PIK3R5: variants seen among roughly 807,000 people sequenced by gnomAD.
PIK3R5 encodes the protein phosphoinositide 3-kinase regulatory subunit 5.
A neutral mutation model predicts 94.9 loss-of-function variants in PIK3R5; 32 were observed. The ratio of observed to expected loss-of-function variants is 0.34; its 90% CI spans 0.25 to 0.45. The LOEUF is 0.45. PIK3R5 is among the 20% of genes least tolerant of loss of function. The pLI is 1.00. For missense variants in PIK3R5, 853 were observed against 1,144.6 expected (o/e 0.75, Z 3.68); for synonymous variants, 443 against 479.4 (o/e 0.92, Z 0.99).
rs2091452331 is a variant in PIK3R5, at chr17:8,955,386, C to T, written c.-14+10210G>A. Among the ~76,000 whole-genome samples the T allele has an allele frequency of 6.6e-6, 1 of 152,230 alleles. No individual in the cohort carries two copies. Among genetic ancestry groups the T allele is most frequent in the African/African-American group, 2.4e-5 (1 of 41,464 alleles). On this transcript the variant is annotated intron_variant, in intron 1 of 18. Coordinates refer to ENST00000447110, the MANE Select transcript of PIK3R5 (RefSeq NM_001142633.3). The surrounding 1 kb of genome is among the most constrained non-coding windows in gnomAD (Gnocchi z 4.4). ...GAAGGGGATGAGTGAGGCAAGAACA[C>T]ACGTTAGGTCTTGGGAAAACTGAGT...
At chr17:8,886,410 G>A in intron 13 of PIK3R5, 67 bp downstream of exon 13, 1 of 1,601,490 alleles carries the variant, frequency 6.2e-7, no homozygotes, top group Non-Finnish European at 8.5e-7. Flanking sequence ...GGCTCTCCCG[G>A]GGCAGGGGTG....
chr17:8,940,535 A>G (rs9889235), intron 1 of PIK3R5, among the ~76,000 whole-genome samples: 38,970 of 152,030 alleles, frequency 0.26, 8,508 homozygotes, highest in African/African-American at 0.6. Flanking sequence ...CCTGCCTGCT[A>G]AGGTTTTTTT....
intron 5 of PIK3R5, among the ~76,000 whole-genome samples, chr17:8,902,249 ATTTTTTTTTTTTT>A (rs397960477): frequency 3.9e-5 from 3 of 77,194 alleles, no homozygotes; most frequent in Non-Finnish European, 6.9e-5. Flanking sequence ...TGATATATTA[ATTTTTTTTTTTTT>A]TTTTTTTTTT....
In PIK3R5 at chr17:8,896,563, G is replaced by T. The variant is rs1447207112; in HGVS notation, c.413-2908C>A. ...GGTGAGTGGGCAGAACACACTCATA[G>T]TGAAGTTCAAACTCCTGGCCCAGGT... On this transcript the variant is annotated intron_variant, in intron 5 of 18. Coordinates refer to ENST00000447110, the MANE Select transcript of PIK3R5 (RefSeq NM_001142633.3). The surrounding 1 kb of genome is among the most constrained non-coding windows in gnomAD (Gnocchi z 4.0). Among the ~76,000 whole-genome samples, 1 of 152,186 alleles carries T rather than the reference G, an allele frequency of 6.6e-6. No individual in the cohort carries two copies. Among genetic ancestry groups the T allele is most frequent in the African/African-American group, 2.4e-5 (1 of 41,434 alleles).
At position 8,893,353 on chromosome 17, in the gene PIK3R5, C is replaced by A. The variant is rs2090072572; in HGVS notation, c.482+233G>T. On this transcript the variant is annotated intron_variant, in intron 6 of 18. Coordinates refer to ENST00000447110, the MANE Select transcript of PIK3R5 (RefSeq NM_001142633.3). The surrounding 1 kb of genome is among the most constrained non-coding windows in gnomAD (Gnocchi z 5.1). Reference sequence around the variant, plus strand: ...TAACACCTGGCATAATTGATACAGACCTCTTTAAGAATCTGGTGAAAGACC... The same window carrying A: ...TAACACCTGGCATAATTGATACAGAACTCTTTAAGAATCTGGTGAAAGACC... 6.6e-6 allele frequency among the ~76,000 whole-genome samples: 1 copy of A among 152,126 alleles called. No homozygotes were observed. Among genetic ancestry groups the A allele is most frequent in the Non-Finnish European group, 1.5e-5 (1 of 68,026 alleles).
intron 1 of PIK3R5, among the ~76,000 whole-genome samples, chr17:8,923,275 A>G (rs1051405933): frequency 2.0e-5 from 3 of 152,338 alleles, no homozygotes; most frequent in Admixed American, 6.5e-5. Flanking sequence ...CTACCCAGGT[A>G]CAGTACCGAA....
intron 1 of PIK3R5, among the ~76,000 whole-genome samples, chr17:8,930,555 G>A (rs1021907982): frequency 3.9e-5 from 6 of 152,146 alleles, no homozygotes; most frequent in East Asian, 1.9e-4. Context: ...ATGTTCATAC[G>A]AAAACCTGTA....
intron 5 of PIK3R5, among the ~76,000 whole-genome samples, chr17:8,898,781 C>A (rs1433074497): frequency 2.6e-5 from 4 of 152,192 alleles, no homozygotes; most frequent in Non-Finnish European, 1.5e-5. Flanking sequence ...TGTCCAAGGT[C>A]ATTAACTAAT....
rs561010148 is a variant in PIK3R5 at position 8,924,358 on chromosome 17, C to T, written c.-13-12851G>A. Among the ~76,000 whole-genome samples the T allele has an allele frequency of 2.7e-4, 41 of 151,784 alleles. No homozygotes were observed. In the South Asian group the frequency reaches 4.2e-3, roughly 15 times the overall value. ...CCTCCCAAAGTGCTGGGATTACAGG[C>T]GTGAGCCACCTGCAGCCTGACACAG... On this transcript the variant is annotated intron_variant, in intron 1 of 18. Transcript: ENST00000447110.
chr17:8,930,363 T>C (rs2090966082), intron 1 of PIK3R5, among the ~76,000 whole-genome samples: 1 of 152,104 alleles, frequency 6.6e-6, no homozygotes, highest in Non-Finnish European at 1.5e-5. Flanking sequence ...AGAGGAAGTC[T>C]CAAGAGAAAT....
chr17:8,960,034 G>A (rs919773703), intron 1 of PIK3R5, among the ~76,000 whole-genome samples: 7 of 152,170 alleles, frequency 4.6e-5, no homozygotes, highest in African/African-American at 7.2e-5. Flanking sequence ...TGACCTCAGC[G>A]TCCATAAGCT....
At chr17:8,957,434 G>T (rs79285688) in intron 1 of PIK3R5, among the ~76,000 whole-genome samples, 1 of 152,128 alleles carries the variant, frequency 6.6e-6, no homozygotes, top group African/African-American at 2.4e-5. Context: ...GACACTGCTC[G>T]TCAAACATCT....
At chr17:8,887,053 C>CTGCA in intron 12 of PIK3R5, 43 bp downstream of exon 12, 1 of 1,610,040 alleles carries the variant, frequency 6.2e-7, no homozygotes, top group South Asian at 1.1e-5. Flanking sequence ...GGCTGGGTGA[C>CTGCA]TGCAGCCAGT....
intron 1 of PIK3R5, among the ~76,000 whole-genome samples, chr17:8,961,039 G>A (rs939152657): frequency 2.6e-5 from 4 of 152,142 alleles, no homozygotes; most frequent in African/African-American, 9.7e-5. Context: ...CAGTGCTATG[G>A]TGCGAAGACA....
intron 1 of PIK3R5, among the ~76,000 whole-genome samples, chr17:8,949,410 G>A (rs1368158712): frequency 6.6e-6 from 1 of 152,186 alleles, no homozygotes; most frequent in African/African-American, 2.4e-5. Flanking sequence ...GTTTAGGATT[G>A]CAGAAGAGAA....
chr17:8,905,751 G>T lies in PIK3R5; in HGVS notation c.205-14C>A, dbSNP rs1567647124. 6.3e-7 allele frequency: 1 copy of T among 1,584,060 alleles called. No individual in the cohort carries two copies. Among genetic ancestry groups the T allele is most frequent in the Non-Finnish European group, 8.6e-7 (1 of 1,163,050 alleles). ...CTTCTCCTGGACCTGTGGAGAGGAG[G>T]AGAAGGGGAATGAGCCTCATTCACG... On this transcript the variant is annotated splice_polypyrimidine_tract_variant and intron_variant, in intron 3 of 18. Transcript: ENST00000447110.
At chr17:8,956,071 G>T (rs2091461487) in intron 1 of PIK3R5, among the ~76,000 whole-genome samples, 1 of 152,062 alleles carries the variant, frequency 6.6e-6, no homozygotes, top group Non-Finnish European at 1.5e-5. Flanking sequence ...GAGGCAGGAG[G>T]ATCATCTGAG....
chr17:8,886,208 C>A, intron 14 of PIK3R5, 21 bp downstream of exon 14: 1 of 1,590,114 alleles, frequency 6.3e-7, no homozygotes, highest in South Asian at 1.1e-5. Context: ...CACCGTCTGT[C>A]TCTGCTCAGG....
At chr17:8,962,353 G>A (rs566031139) in intron 1 of PIK3R5, among the ~76,000 whole-genome samples, 1 of 152,276 alleles carries the variant, frequency 6.6e-6, no homozygotes, top group African/African-American at 2.4e-5. Context: ...AGAATGGCAG[G>A]CCAGAACCAT....
Sources: gnomAD v4.1 joint callset for allele counts (sites outside exome capture counted in the v4.1 genomes callset) on GRCh38, gnomAD v4.1.1 for gene constraint, Gnocchi (gnomAD v3.1) non-coding constraint, MANE v1.5 for transcripts, NCBI Gene and HGNC (gene_info 2026-07-23, HGNC 2026-07-21) for gene names.